Variants in PRR5 observed in about 807,000 individuals in gnomAD.
The protein encoded by PRR5 is proline-rich protein 5.
In PRR5, 25 loss-of-function variants were observed where a neutral mutation model predicts 30.6. The observed-to-expected ratio is 0.82, with a 90% CI of 0.60 to 1.14. The LOEUF is 1.14. Ranked by LOEUF, PRR5 falls within the 50% of genes most tolerant of loss-of-function variation. The pLI is 0.00. For missense variants in PRR5, 600 were observed against 547.1 expected (o/e 1.10, Z -0.96); for synonymous variants, 286 against 247.1 (o/e 1.16, Z -1.48).
Position 44,705,500 on chromosome 22 carries a change from CT to C in PRR5, c.134+2896del, listed in dbSNP as rs764544526. Among the ~76,000 whole-genome samples, 75 of 150,924 alleles carry C rather than the reference CT, an allele frequency of 5.0e-4. 2 individuals carry two copies. In the South Asian group the frequency reaches 0.015, roughly 31 times the overall value. ...CACCACGCCCGGCTAATTTTTTGTA[CT>C]TTTAGTAGAGACGGGGTTTTGCCAT... On this transcript the variant is annotated intron_variant, in intron 1 of 7. Coordinates refer to ENST00000336985, the MANE Select transcript of PRR5 (RefSeq NM_181333.4).
At chr22:44,700,467 C>A (rs766840315), upstream of PRR5, among the ~76,000 whole-genome samples, 5 of 151,898 alleles carry the variant, frequency 3.3e-5, no homozygotes, top group Non-Finnish European at 5.9e-5. Context: ...CCATCACACA[C>A]GCAAAAAATC....
upstream of PRR5, among the ~76,000 whole-genome samples, chr22:44,701,209 C>G (rs1188466919): frequency 6.6e-6 from 1 of 152,174 alleles, no homozygotes; most frequent in Non-Finnish European, 1.5e-5. Context: ...CCTCCCAGCT[C>G]CTGGAGCTGT....
upstream of PRR5, among the ~76,000 whole-genome samples, chr22:44,699,859 CCT>C (rs373028866): frequency 1.2e-4 from 18 of 152,296 alleles, no homozygotes; most frequent in African/African-American, 4.3e-4. Context: ...TGGGCTTTAT[CCT>C]CTGTTTTCAT....
rs553333498 is a variant in PRR5 at position 44,711,221 on chromosome 22, G to A, written c.135-3370G>A. Among the ~76,000 whole-genome samples, 10 of 152,310 alleles carry A rather than the reference G, an allele frequency of 6.6e-5. No individual in the cohort carries two copies. The East Asian group carries it at 7.7e-4, about 12-fold the overall frequency. On this transcript the variant is annotated intron_variant, in intron 1 of 7. Coordinates refer to ENST00000336985, the MANE Select transcript of PRR5 (RefSeq NM_181333.4). ...GCCAGAGTGTGAGGCCAGGTGGGGC[G>A]TCAGGAGGTCTAACCGTAAGCCAAG... is the stretch of plus-strand genomic sequence containing the variant.
chr22:44,731,291 C>G (rs1921913042), intron 4 of PRR5: 1 of 271,044 alleles, frequency 3.7e-6, no homozygotes, highest in African/African-American at 2.2e-5. Context: ...GTGTACCTAC[C>G]TGTGCGGGTC....
rs776170804 is a variant in PRR5, at chr22:44,735,074, G to C, written c.603G>C (p.Glu201Asp). The C allele has an allele frequency of 1.4e-5, 22 of 1,612,182 alleles. No homozygotes were observed. In the South Asian group the frequency reaches 2.4e-4, roughly 18 times the overall value. ...TGACTGAGGACTACCTGCGCCTGGA[G>C]ACGCTGGTCCAGAAGGTGGTGTCGC... Reference protein sequence around the residue: ...RGVTEDYLRLETLVQKVVSPY... With the variant: ...RGVTEDYLRLDTLVQKVVSPY... The change falls in exon 7 of 8, where the codon GAG (glutamate) becomes GAC (aspartate). Residue 201 changes from glutamate (E) to aspartate (D), a missense_variant. By Grantham distance (45) the Glu-to-Asp change is conservative. Coordinates refer to ENST00000336985, the MANE Select transcript of PRR5 (RefSeq NM_181333.4).
intron 6 of PRR5, among the ~76,000 whole-genome samples, chr22:44,733,845 TC>T (rs1261610900): frequency 6.6e-6 from 1 of 152,100 alleles, no homozygotes; most frequent in East Asian, 1.9e-4. Context: ...CCCCAAGAGT[TC>T]AGGCGACTTT....
In PRR5 at chr22:44,718,442, G is replaced by A. The variant is rs191332479; in HGVS notation, c.215+3771G>A. On this transcript the variant is annotated intron_variant, in intron 2 of 7. Transcript: ENST00000336985. ...ACTCCTGACCTCAAGTGATCTGCCA[G>A]CCTCAGCCTCCCAAAGTGCTGGGGT... 4.1e-4 allele frequency among the ~76,000 whole-genome samples: 63 copies of A among 152,228 alleles called. No homozygotes were observed. In the South Asian group the frequency reaches 8.7e-3, roughly 21 times the overall value.
rs1215384554 is a variant in PRR5 at position 44,691,224 on chromosome 22, G to C, written c.-10-11268G>C. Reference sequence around the variant, plus strand: ...CTGCTTCCGGGAGGATTTGGGTAGAGAAAACCGGGGTCTGGAATGGGGATT... The same window carrying C: ...CTGCTTCCGGGAGGATTTGGGTAGACAAAACCGGGGTCTGGAATGGGGATT... On this transcript the variant is annotated intron_variant, in intron 1 of 8. Coordinates refer to the PRR5 transcript ENST00000006251. This position sits in a 1 kb window ranked among gnomAD's most constrained non-coding sequence, Gnocchi z 4.4. Among the ~76,000 whole-genome samples, 1 of 152,166 alleles carries C rather than the reference G, an allele frequency of 6.6e-6. No homozygotes were observed. The highest frequency in any genetic ancestry group is 1.5e-5 in the Non-Finnish European group (1 of 68,030).
At chr22:44,684,880 C>G (rs1048704888) in intron 1 of PRR5, among the ~76,000 whole-genome samples, 2 of 152,226 alleles carry the variant, frequency 1.3e-5, no homozygotes, top group Non-Finnish European at 2.9e-5. Context: ...CAGGCGTCCT[C>G]CCTCCTGGGG....
At chr22:44,693,616 C>CTTTTTTTTTT (rs1228023916) in intron 1 of PRR5, among the ~76,000 whole-genome samples, 1 of 90,566 alleles carries the variant, frequency 1.1e-5, no homozygotes, top group African/African-American at 3.9e-5. Context: ...TTCACATGGA[C>CTTTTTTTTTT]TTTTTTTTTT....
chr22:44,721,761 A>C (rs922870258), intron 2 of PRR5, among the ~76,000 whole-genome samples: 11 of 152,266 alleles, frequency 7.2e-5, no homozygotes, highest in African/African-American at 2.6e-4. Flanking sequence ...AGGCCCAGAC[A>C]GGGGAGGGGT....
intron 4 of PRR5, among the ~76,000 whole-genome samples, chr22:44,727,669 G>A (rs1921096282): frequency 6.6e-6 from 1 of 152,180 alleles, no homozygotes; most frequent in Non-Finnish European, 1.5e-5. Flanking sequence ...TGCTGCCCCA[G>A]GCTCCTCCTC....
intron 1 of PRR5, among the ~76,000 whole-genome samples, chr22:44,710,612 C>A (rs1424286661): frequency 6.6e-6 from 1 of 151,208 alleles, no homozygotes; most frequent in African/African-American, 2.4e-5. Flanking sequence ...TTCCTGTATC[C>A]CTGAGTGGCC....
At chr22:44,685,380 G>A (rs537429224) in intron 1 of PRR5, among the ~76,000 whole-genome samples, 18 of 152,286 alleles carry the variant, frequency 1.2e-4, no homozygotes, top group Non-Finnish European at 2.5e-4. Context: ...AACAAAAAAC[G>A]ATTTCTCCTC....
At chr22:44,684,229 G>A (rs955249072) in intron 1 of PRR5, among the ~76,000 whole-genome samples, 3 of 152,214 alleles carry the variant, frequency 2.0e-5, no homozygotes, top group Non-Finnish European at 4.4e-5. Flanking sequence ...GTCTGATCCA[G>A]CCTCGAGAGT....
intron 1 of PRR5, among the ~76,000 whole-genome samples, chr22:44,703,354 CG>C (rs920252257): frequency 2.8e-5 from 4 of 141,760 alleles, no homozygotes; most frequent in Non-Finnish European, 4.9e-5. Context: ...GGACACTGTT[CG>C]GGGGAGGCTG....
At chr22:44,702,179 T>TGAGCCCGCCCCC (rs1286609308), upstream of PRR5, 12 of 841,708 alleles carry the variant, frequency 1.4e-5, no homozygotes, top group Admixed American at 2.5e-4. Flanking sequence ...GACCCGCCCC[T>TGAGCCCGCCCCC]GGGCCCGCCC....
intron 1 of PRR5, chr22:44,679,620 G>A: frequency 1.9e-6 from 1 of 520,552 alleles, no homozygotes; most frequent in Non-Finnish European, 3.5e-6. Context: ...GGGAGGAGAA[G>A]CACTTGAACC....
Sources: gnomAD v4.1 joint callset for allele counts (sites outside exome capture counted in the v4.1 genomes callset) on GRCh38, gnomAD v4.1.1 for gene constraint, Gnocchi (gnomAD v3.1) non-coding constraint, MANE v1.5 for transcripts, NCBI Gene and HGNC (gene_info 2026-07-23, HGNC 2026-07-21) for gene names.